IL1RAPL1: variants seen among roughly 807,000 people sequenced by gnomAD.
The protein encoded by IL1RAPL1 is interleukin-1 receptor accessory protein-like 1.
Under a neutral mutation model 48.4 loss-of-function variants are expected in IL1RAPL1, and 3 were observed. That is an observed-to-expected ratio of 0.06 (90% CI 0.03 to 0.16). The LOEUF (loss-of-function observed/expected upper bound fraction) is 0.16, where lower values mean the gene tolerates loss of function less well. IL1RAPL1 is among the 10% of genes least tolerant of loss of function. The pLI is 1.00. For missense variants in IL1RAPL1, 349 were observed against 530.6 expected (o/e 0.66, Z 3.36); for synonymous variants, 185 against 187.7 (o/e 0.99, Z 0.12).
intron 5 of IL1RAPL1, among the ~76,000 whole-genome samples, chrX:29,659,418 A>T (rs1488782665): frequency 8.9e-6 from 1 of 112,016 alleles, no homozygotes; most frequent in Non-Finnish European, 1.9e-5. Context: ...CAATGTGTAC[A>T]TATGCCACAT....
At chrX:29,945,033 G>C (rs777635199) in intron 9 of IL1RAPL1, among the ~76,000 whole-genome samples, 7 of 110,058 alleles carry the variant, frequency 6.4e-5, no homozygotes, top group Admixed American at 5.8e-4. Flanking sequence ...ATTTCTCTAT[G>C]AAGTTTACAG....
intron 3 of IL1RAPL1, among the ~76,000 whole-genome samples, chrX:29,383,135 G>A (rs896646256): frequency 2.7e-5 from 3 of 112,163 alleles, no homozygotes; most frequent in African/African-American, 9.7e-5. Flanking sequence ...TAATCTGAGT[G>A]CTAATACATC....
intron 2 of IL1RAPL1, among the ~76,000 whole-genome samples, chrX:29,192,007 A>G (rs1438096194): frequency 8.9e-6 from 1 of 111,755 alleles, no homozygotes; most frequent in African/African-American, 3.3e-5. Flanking sequence ...CTCCTTTGCT[A>G]TGGAACTCCC....
In IL1RAPL1 at chrX:29,324,833, A is replaced by T. The variant is rs181431316; in HGVS notation, c.362+41616A>T. 2.2e-3 allele frequency among the ~76,000 whole-genome samples: 247 copies of T among 111,547 alleles called. 2 individuals are homozygous for T. Among genetic ancestry groups the T allele is most frequent in the Admixed American group, 0.018 (189 of 10,469 alleles). Reference sequence around the variant, plus strand: ...GGGGTACTGCTTCCTGTGCCTCAATATAATCAATGTGATCAATTTTACATT... The same window carrying T: ...GGGGTACTGCTTCCTGTGCCTCAATTTAATCAATGTGATCAATTTTACATT... On this transcript the variant is annotated intron_variant, in intron 3 of 10. Coordinates refer to ENST00000378993, the MANE Select transcript of IL1RAPL1 (RefSeq NM_014271.4).
At chrX:28,899,520 C>G (rs1923021132) in intron 2 of IL1RAPL1, among the ~76,000 whole-genome samples, 2 of 111,954 alleles carry the variant, frequency 1.8e-5, no homozygotes, top group South Asian at 3.7e-4. Context: ...TAAGTGCATT[C>G]TAACTGTGCA....
intron 1 of IL1RAPL1, among the ~76,000 whole-genome samples, chrX:28,726,767 G>C (rs1935681978): frequency 9.0e-6 from 1 of 111,356 alleles, no homozygotes; most frequent in Non-Finnish European, 1.9e-5. Flanking sequence ...GGTATAGAGA[G>C]AATAGGCAGT....
intron 5 of IL1RAPL1, among the ~76,000 whole-genome samples, chrX:29,608,639 A>C (rs1482413470): frequency 4.7e-5 from 5 of 106,931 alleles, no homozygotes; most frequent in Non-Finnish European, 9.6e-5. Context: ...ATCCTGGCTA[A>C]CACGGTGAAA....
intron 1 of IL1RAPL1, among the ~76,000 whole-genome samples, chrX:28,720,127 C>G (rs1935552404): frequency 9.0e-6 from 1 of 111,120 alleles, no homozygotes; most frequent in Non-Finnish European, 1.9e-5. Context: ...GTCCCTGCAC[C>G]TGGAGTTATC....
At chrX:29,236,136 C>T (rs1321741009) in intron 2 of IL1RAPL1, among the ~76,000 whole-genome samples, 2 of 112,514 alleles carry the variant, frequency 1.8e-5, no homozygotes, top group Non-Finnish European at 3.7e-5. Context: ...TCTAATAAAT[C>T]ATGCTTCTGC....
chrX:29,003,721 G>A (rs963714273), intron 2 of IL1RAPL1, among the ~76,000 whole-genome samples: 6 of 112,583 alleles, frequency 5.3e-5, no homozygotes, highest in East Asian at 5.6e-4. Flanking sequence ...CTGACAGGAA[G>A]CTGATTACTT....
chrX:29,368,217 T>C (rs931339954), intron 3 of IL1RAPL1, among the ~76,000 whole-genome samples: 62 of 112,379 alleles, frequency 5.5e-4, no homozygotes, highest in African/African-American at 2.0e-3. Context: ...TGATTTAAAG[T>C]ACACTAGAGG....
At chrX:29,868,084 A>T (rs1931729611) in intron 6 of IL1RAPL1, among the ~76,000 whole-genome samples, 1 of 112,106 alleles carries the variant, frequency 8.9e-6, no homozygotes, top group Admixed American at 9.5e-5. Flanking sequence ...TTACAAAGCA[A>T]ATTCCCCAGT....
At chrX:29,122,803 T>C (rs1037705608) in intron 2 of IL1RAPL1, among the ~76,000 whole-genome samples, 2 of 110,385 alleles carry the variant, frequency 1.8e-5, no homozygotes, top group African/African-American at 3.3e-5. Context: ...CTGAAATAAA[T>C]AGTTCTTAGT....
intron 1 of IL1RAPL1, among the ~76,000 whole-genome samples, chrX:28,644,102 T>G: frequency 9.1e-6 from 1 of 109,360 alleles, no homozygotes; most frequent in Admixed American, 9.8e-5. Context: ...AGAAAATAAG[T>G]TTTTTTCTCC....
At chrX:29,571,147 A>G (rs1021844836) in intron 5 of IL1RAPL1, among the ~76,000 whole-genome samples, 5 of 110,987 alleles carry the variant, frequency 4.5e-5, no homozygotes, top group Middle Eastern at 4.6e-3. Context: ...GCGTGAACCC[A>G]GGAGGTGGAG....
At chrX:28,928,068 G>A (rs1923792123) in intron 2 of IL1RAPL1, among the ~76,000 whole-genome samples, 1 of 110,661 alleles carries the variant, frequency 9.0e-6, no homozygotes, top group Non-Finnish European at 1.9e-5. Flanking sequence ...CAGACCTTTT[G>A]ATTTTTTTCC....
intron 6 of IL1RAPL1, among the ~76,000 whole-genome samples, chrX:29,737,097 T>C (rs1374775645): frequency 8.9e-6 from 1 of 112,209 alleles, no homozygotes; most frequent in East Asian, 2.8e-4. Flanking sequence ...ACAGTAAAAA[T>C]AAAAATCATG....
At chrX:29,545,310 C>A (rs1299881370) in intron 5 of IL1RAPL1, among the ~76,000 whole-genome samples, 1 of 110,754 alleles carries the variant, frequency 9.0e-6, no homozygotes, top group African/African-American at 3.3e-5. Flanking sequence ...TTTTTCTCTT[C>A]ATTTACTGCC....
At chrX:29,741,935 GAAAAAAAAAA>G (rs1182352727) in intron 6 of IL1RAPL1, among the ~76,000 whole-genome samples, 8 of 61,834 alleles carry the variant, frequency 1.3e-4, no homozygotes, top group Admixed American at 6.4e-4. Context: ...AAAAAAAAAA[GAAAAAAAAAA>G]AAAAAAAAAA....
Sources: gnomAD v4.1 joint callset for allele counts (sites outside exome capture counted in the v4.1 genomes callset) on GRCh38, gnomAD v4.1.1 for gene constraint, MANE v1.5 for transcripts, NCBI Gene and HGNC (gene_info 2026-07-23, HGNC 2026-07-21) for gene names.